Variants in PSD3 observed in about 807,000 individuals in gnomAD.
The protein encoded by PSD3 is pleckstrin and Sec7 domain containing 3, also known as PH and SEC7 domain-containing protein 3.
In PSD3, 49 loss-of-function variants were observed where a neutral mutation model predicts 105.5. The ratio of observed to expected loss-of-function variants is 0.46; its 90% confidence interval spans 0.37 to 0.59. The LOEUF is 0.59. Among genes scored for constraint, PSD3 ranks in the 20% least tolerant of loss-of-function variants. The probability of loss-of-function intolerance (pLI) is 0.00; values close to 1 mark genes in which losing one functional copy is unlikely to be tolerated. For synonymous variants in PSD3, 557 were observed against 457.8 expected, an observed-to-expected ratio of 1.22 and a Z score of -2.77; for missense variants, 1,561 against 1,263.8, an observed-to-expected ratio of 1.24 and a Z score of -3.57.
At chr8:18,626,096 G>A (rs1057061139) in intron 11 of PSD3, among the ~76,000 whole-genome samples, 2 of 151,956 alleles carry the variant, frequency 1.3e-5, no homozygotes, top group African/African-American at 4.8e-5. Flanking sequence ...ATAGGTCTTT[G>A]TAAAAATACA....
At chr8:18,986,784 A>T (rs1252605999) in intron 1 of PSD3, among the ~76,000 whole-genome samples, 1 of 152,178 alleles carries the variant, frequency 6.6e-6, no homozygotes, top group African/African-American at 2.4e-5. Flanking sequence ...TTAAGGGAAG[A>T]CCAAGATGAG....
intron 2 of PSD3, among the ~76,000 whole-genome samples, chr8:18,924,269 G>A (rs765884198): frequency 6.6e-6 from 1 of 152,178 alleles, no homozygotes; most frequent in African/African-American, 2.4e-5. Flanking sequence ...CTGTGGTACA[G>A]CTAAAATAAT....
chr8:19,063,509 A>G (rs1032464112), intron 1 of PSD3, among the ~76,000 whole-genome samples: 3 of 152,044 alleles, frequency 2.0e-5, no homozygotes, highest in Non-Finnish European at 2.9e-5. Flanking sequence ...TCCTTACACA[A>G]CCCCGCGATC....
chr8:18,684,047 G>A (rs974749457), intron 9 of PSD3: 5 of 638,458 alleles, frequency 7.8e-6, no homozygotes, highest in Non-Finnish European at 8.5e-6. Context: ...GCTCCTGAGC[G>A]CCGTGATCCG....
At chr8:19,049,206 G>A (rs1414372778) in intron 1 of PSD3, among the ~76,000 whole-genome samples, 1 of 150,856 alleles carries the variant, frequency 6.6e-6, no homozygotes, top group African/African-American at 2.4e-5. Flanking sequence ...CGAATTTTGA[G>A]GAGGACACAA....
intron 9 of PSD3, among the ~76,000 whole-genome samples, chr8:18,729,591 C>G (rs1803578751): frequency 6.6e-6 from 1 of 152,178 alleles, no homozygotes; most frequent in African/African-American, 2.4e-5. Context: ...AGTGCAGGTT[C>G]CTATGTAAGG....
intron 1 of PSD3, among the ~76,000 whole-genome samples, chr8:18,954,988 G>C (rs570585165): frequency 6.6e-6 from 1 of 152,160 alleles, no homozygotes; most frequent in South Asian, 2.1e-4. Context: ...AGACAACGAG[G>C]GAGTCAAATA....
chr8:18,646,545 C>T lies in PSD3; in HGVS notation c.2216+9097G>A, dbSNP rs1256820114. On this transcript the variant is annotated intron_variant, in intron 10 of 15. Coordinates refer to ENST00000327040, the MANE Select transcript of PSD3 (RefSeq NM_015310.4). The stretch of plus-strand genomic sequence containing the variant: ...GTACACACAAGGGATTCCAACTTTT[C>T]TTCATGGCTGATTCTAATGTTGGCA... Among the ~76,000 whole-genome samples the T allele has an allele frequency of 2.0e-5, 3 of 152,052 alleles. No homozygotes were observed. In the East Asian group the frequency reaches 5.8e-4, roughly 29 times the overall value.
intron 13 of PSD3, 74 bp from the exon 14 acceptor site, chr8:18,572,746 T>C: frequency 6.6e-7 from 1 of 1,514,606 alleles, no homozygotes; most frequent in African/African-American, 1.4e-5. Flanking sequence ...TATTTCACGT[T>C]ACTGATTTGC....
At chr8:18,731,680 T>A (rs1803761963) in intron 9 of PSD3, among the ~76,000 whole-genome samples, 1 of 152,200 alleles carries the variant, frequency 6.6e-6, no homozygotes, top group Non-Finnish European at 1.5e-5. Flanking sequence ...CTCAGAACAG[T>A]CATGTGTTCT....
chr8:18,684,990 G>C (rs1461063495), intron 9 of PSD3, among the ~76,000 whole-genome samples: 1 of 152,150 alleles, frequency 6.6e-6, no homozygotes, highest in East Asian at 1.9e-4. Flanking sequence ...TCACTATCTG[G>C]CATCCCAGGG....
chr8:18,896,439 G>T (rs1022308445), intron 2 of PSD3, among the ~76,000 whole-genome samples: 1 of 152,062 alleles, frequency 6.6e-6, no homozygotes, highest in Non-Finnish European at 1.5e-5. Flanking sequence ...TTTGAGACAG[G>T]GTCTCGCTCT....
intron 1 of PSD3, among the ~76,000 whole-genome samples, chr8:18,941,270 G>C (rs1021483827): frequency 2.0e-5 from 3 of 152,114 alleles, no homozygotes; most frequent in Non-Finnish European, 4.4e-5. Flanking sequence ...ATCTCGGCTC[G>C]ATAGTACCAC....
intron 2 of PSD3, among the ~76,000 whole-genome samples, chr8:18,880,349 C>T (rs1818029884): frequency 6.6e-6 from 1 of 152,106 alleles, no homozygotes. Context: ...GTACTAAACA[C>T]AGGGGATTCA....
intron 2 of PSD3, 79 bp downstream of exon 2, chr8:18,935,955 T>G (rs934524170): frequency 1.2e-6 from 1 of 856,102 alleles, no homozygotes; most frequent in Non-Finnish European, 1.9e-6. Flanking sequence ...AAGAAAGTAA[T>G]GCAGGTGGAG....
At chr8:18,776,383 A>ATTTTTTTTTTTTTTTTTTTTTTT in intron 8 of PSD3, among the ~76,000 whole-genome samples, 1 of 123,872 alleles carries the variant, frequency 8.1e-6, no homozygotes, top group Non-Finnish European at 1.6e-5. Flanking sequence ...TATATATATA[A>ATTTTTTTTTTTTTTTTTTTTTTT]TTTTTTTTTT....
At chr8:18,952,845 T>G in intron 1 of PSD3, among the ~76,000 whole-genome samples, 1 of 152,170 alleles carries the variant, frequency 6.6e-6, no homozygotes. Flanking sequence ...TCCAAACAAC[T>G]TATTGAGGAG....
intron 2 of PSD3, among the ~76,000 whole-genome samples, chr8:18,914,215 A>C (rs918467179): frequency 8.8e-5 from 13 of 147,882 alleles, no homozygotes; most frequent in Non-Finnish European, 1.9e-4. Context: ...AAAAAAAAAC[A>C]CCTTTCAACA....
intron 11 of PSD3, among the ~76,000 whole-genome samples, chr8:18,622,671 A>G (rs1195564353): frequency 6.6e-6 from 1 of 152,218 alleles, no homozygotes; most frequent in Non-Finnish European, 1.5e-5. Context: ...AATAATTACC[A>G]CAAGGAAGCT....
Sources: allele counts gnomAD v4.1 joint callset (sites outside exome capture counted in the v4.1 genomes callset), GRCh38; gene constraint gnomAD v4.1.1; transcripts MANE v1.5; gene names NCBI Gene and HGNC (gene_info 2026-07-23, HGNC 2026-07-21).